NAALADL2: variants seen among roughly 807,000 people sequenced by gnomAD.
The protein encoded by NAALADL2 is N-acetylated alpha-linked acidic dipeptidase like 2.
In NAALADL2, 76 loss-of-function variants were observed where a neutral mutation model predicts 87.2. The observed-to-expected ratio is 0.87, with a 90% CI of 0.72 to 1.05. The LOEUF is 1.05. Among genes scored for constraint, NAALADL2 ranks in the 50% least tolerant of loss-of-function variants. The pLI is 0.00. For synonymous variants in NAALADL2, 354 were observed against 331.0 expected (o/e 1.07, Z -0.75); for missense variants, 1,089 against 945.8 (o/e 1.15, Z -1.99).
chr3:175,150,044 A>G (rs1052640870), intron 2 of NAALADL2, among the ~76,000 whole-genome samples: 1 of 152,218 alleles, frequency 6.6e-6, no homozygotes, highest in Non-Finnish European at 1.5e-5. Flanking sequence ...TACCTCAGGT[A>G]TTAGAAAGAG....
At chr3:175,772,021 C>G (rs986256766) in intron 13 of NAALADL2, among the ~76,000 whole-genome samples, 8 of 152,112 alleles carry the variant, frequency 5.3e-5, no homozygotes, top group Non-Finnish European at 1.2e-4. Flanking sequence ...GGGTCCCTCC[C>G]AAGACATGTG....
chr3:175,053,493 C>T (rs1400573174), intron 1 of NAALADL2, among the ~76,000 whole-genome samples: 4 of 152,158 alleles, frequency 2.6e-5, no homozygotes, highest in African/African-American at 4.8e-5. Context: ...AGGGGGTCCT[C>T]GAGATCCTCC....
In NAALADL2 at chr3:174,543,865, G is replaced by A. The variant is rs188876308; in HGVS notation, c.-183-6704G>A. On this transcript the variant is annotated intron_variant, in intron 1 of 3. Transcript: ENST00000434257. Reference sequence around the variant, plus strand: ...TCTACTAAAAATATAAAAATGTGCCGAGCGTGGTGGCGTGCACCTGTAATC... The same window carrying A: ...TCTACTAAAAATATAAAAATGTGCCAAGCGTGGTGGCGTGCACCTGTAATC... Among the ~76,000 whole-genome samples the A allele has an allele frequency of 6.8e-4, 103 of 151,922 alleles. 1 individual carries two copies. Among genetic ancestry groups the A allele is most frequent in the African/African-American group, 2.4e-3 (98 of 41,450 alleles).
At chr3:174,870,027 AAAAGG>A (rs1727618579) in intron 1 of NAALADL2, among the ~76,000 whole-genome samples, 1 of 150,568 alleles carries the variant, frequency 6.6e-6, no homozygotes, top group Non-Finnish European at 1.5e-5. Flanking sequence ...AAAAAAAAAA[AAAAGG>A]CTAATTATGA....
intron 11 of NAALADL2, among the ~76,000 whole-genome samples, chr3:175,732,711 G>A (rs1314815912): frequency 6.6e-6 from 1 of 152,126 alleles, no homozygotes; most frequent in East Asian, 1.9e-4. Flanking sequence ...AGCTCAGTAT[G>A]TCAAAGTCTT....
chr3:175,663,770 T>C (rs1732590870), intron 11 of NAALADL2, among the ~76,000 whole-genome samples: 1 of 151,970 alleles, frequency 6.6e-6, no homozygotes, highest in African/African-American at 2.4e-5. Context: ...TTAGAACTTT[T>C]AATTTGTATT....
intron 10 of NAALADL2, among the ~76,000 whole-genome samples, chr3:175,600,657 C>G (rs1322748433): frequency 6.7e-6 from 1 of 148,868 alleles, no homozygotes; most frequent in African/African-American, 2.4e-5. Context: ...CCTGCCTCAG[C>G]CTCCCGAGTA....
chr3:174,873,119 C>T (rs1728047125), intron 1 of NAALADL2, among the ~76,000 whole-genome samples: 1 of 152,094 alleles, frequency 6.6e-6, no homozygotes, highest in South Asian at 2.1e-4. Flanking sequence ...CTAATAGTGG[C>T]TCTAGATGTA....
At chr3:174,598,843 A>G (rs1239195416) in intron 2 of NAALADL2, among the ~76,000 whole-genome samples, 1 of 152,186 alleles carries the variant, frequency 6.6e-6, no homozygotes, top group Non-Finnish European at 1.5e-5. Flanking sequence ...AAATGCTAAG[A>G]GTGCAATATT....
At chr3:174,911,029 C>T (rs911074503) in intron 1 of NAALADL2, among the ~76,000 whole-genome samples, 2 of 152,104 alleles carry the variant, frequency 1.3e-5, no homozygotes, top group Non-Finnish European at 1.5e-5. Context: ...CCTGGCACAC[C>T]GAATGTGCCT....
intron 3 of NAALADL2, among the ~76,000 whole-genome samples, chr3:174,787,525 A>G (rs1179990619): frequency 1.6e-4 from 22 of 137,492 alleles, no homozygotes; most frequent in Admixed American, 1.6e-4. Context: ...GTTAAAGATA[A>G]TTTAATTTGT....
At chr3:175,278,653 A>C (rs1753894599) in intron 4 of NAALADL2, among the ~76,000 whole-genome samples, 1 of 152,150 alleles carries the variant, frequency 6.6e-6, no homozygotes, top group Admixed American at 6.5e-5. Flanking sequence ...ACCAGTTGGC[A>C]TACTTATGTG....
intron 2 of NAALADL2, among the ~76,000 whole-genome samples, chr3:174,677,595 T>A (rs927733005): frequency 2.6e-5 from 4 of 152,130 alleles, no homozygotes; most frequent in African/African-American, 9.7e-5. Flanking sequence ...AAATACAGCA[T>A]TTGCTTCATG....
intron 9 of NAALADL2, among the ~76,000 whole-genome samples, chr3:175,540,332 C>T (rs749872560): frequency 1.3e-5 from 2 of 152,086 alleles, no homozygotes; most frequent in Non-Finnish European, 2.9e-5. Context: ...GTGCCAAGGC[C>T]TGAAGTGGCA....
chr3:175,506,112 G>A (rs1004787794), intron 9 of NAALADL2, among the ~76,000 whole-genome samples: 11 of 152,106 alleles, frequency 7.2e-5, no homozygotes, highest in Non-Finnish European at 1.5e-4. Flanking sequence ...ATGAGCGGTA[G>A]CACTTAAAGA....
chr3:175,701,185 T>C (rs113154698), intron 11 of NAALADL2, among the ~76,000 whole-genome samples: 1,729 of 151,944 alleles, frequency 0.011, 35 homozygotes, highest in African/African-American at 0.039. Flanking sequence ...GGCTGTAGGG[T>C]TGGGGAAGCT....
At chr3:175,705,154 G>A (rs369787834) in intron 11 of NAALADL2, among the ~76,000 whole-genome samples, 34 of 152,144 alleles carry the variant, frequency 2.2e-4, no homozygotes, top group African/African-American at 7.2e-4. Flanking sequence ...GAAGAAAGGC[G>A]ATGGAATAAG....
rs548571658 is a variant in NAALADL2 at position 174,966,551 on chromosome 3, T to G, written c.43+107101T>G. ...AAATCTCTTGACTTCGATGTAAGGA[T>G]AAAGTGATAGGGAGGTATCTAGAGT... On this transcript the variant is annotated intron_variant, in intron 1 of 13. Coordinates refer to ENST00000454872, the MANE Select transcript of NAALADL2 (RefSeq NM_207015.3). Among the ~76,000 whole-genome samples the G allele has an allele frequency of 2.0e-5, 3 of 152,194 alleles. No individual in the cohort carries two copies. The East Asian group carries it at 5.8e-4, about 29-fold the overall frequency.
chr3:174,986,289 CAA>C (rs201351431), intron 1 of NAALADL2, among the ~76,000 whole-genome samples: 2,130 of 146,448 alleles, frequency 0.015, 36 homozygotes, highest in African/African-American at 0.05. Flanking sequence ...AATATATACA[CAA>C]TATATATAAT....
Sources: allele counts gnomAD v4.1 joint callset (sites outside exome capture counted in the v4.1 genomes callset), GRCh38; gene constraint gnomAD v4.1.1; transcripts MANE v1.5; gene names NCBI Gene and HGNC (gene_info 2026-07-23, HGNC 2026-07-21).